LIPM: variants seen among roughly 807,000 people sequenced by gnomAD.
LIPM encodes lipase family member M, also known as lipase member M.
In LIPM, 42 loss-of-function variants were observed where a neutral mutation model predicts 42.4. That is an observed-to-expected ratio of 0.99 (90% CI 0.77 to 1.28). LIPM has a LOEUF of 1.28. Ranked by LOEUF, LIPM falls within the 50% of genes most tolerant of loss-of-function variation. LIPM has a pLI of 0.00. For missense variants in LIPM, 524 were observed against 520.1 expected, an observed-to-expected ratio of 1.01 and a Z score of -0.07; for synonymous variants, 177 against 173.3, an observed-to-expected ratio of 1.02 and a Z score of -0.17.
intron 1 of LIPM, chr10:88,805,997 C>G (rs1049921121): frequency 2.2e-6 from 1 of 456,512 alleles, no homozygotes; most frequent in Non-Finnish European, 4.4e-6. Flanking sequence ...GCCTTTAGAC[C>G]GCAAACAGGT....
At chr10:88,818,940 T>G (rs1176963517) in intron 8 of LIPM, among the ~76,000 whole-genome samples, 2 of 152,224 alleles carry the variant, frequency 1.3e-5, no homozygotes, top group East Asian at 3.9e-4. Flanking sequence ...CAGGCTGGAG[T>G]GCAGTGGCGC....
At chr10:88,817,758 T>C in intron 7 of LIPM, 67 bp from the exon 8 acceptor site, 1 of 1,115,838 alleles carries the variant, frequency 9.0e-7, no homozygotes, top group Non-Finnish European at 1.3e-6. Context: ...GTAGCACATT[T>C]CCACCACCCC....
intron 6 of LIPM, among the ~76,000 whole-genome samples, chr10:88,816,450 G>A (rs59528785): frequency 9.2e-5 from 14 of 152,186 alleles, no homozygotes; most frequent in African/African-American, 3.1e-4. Context: ...TTGCAGATTA[G>A]TATACTAAGA....
chr10:88,815,270 C>A, intron 5 of LIPM, 46 bp downstream of exon 5: 1 of 1,547,402 alleles, frequency 6.5e-7, no homozygotes, highest in Non-Finnish European at 8.7e-7. Flanking sequence ...GAAAAATCTT[C>A]CAGCCCAATT....
chr10:88,815,294 A>G, intron 5 of LIPM, 63 bp from the exon 6 acceptor site: 2 of 1,547,036 alleles, frequency 1.3e-6, no homozygotes, highest in East Asian at 2.4e-5. Flanking sequence ...TAAAACATAA[A>G]CTTTTAAATT....
chr10:88,805,048 A>G lies in LIPM; in HGVS notation c.147+2005A>G, dbSNP rs1473235174. Among the ~76,000 whole-genome samples, 16 of 152,116 alleles carry G rather than the reference A, an allele frequency of 1.1e-4. No individual in the cohort carries two copies. In the South Asian group the frequency reaches 2.3e-3, roughly 22 times the overall value. On this transcript the variant is annotated intron_variant, in intron 1 of 8. Coordinates refer to ENST00000404743, the MANE Select transcript of LIPM (RefSeq NM_001128215.1). ...TATTCATGCATATGGATTATGGTCT[A>G]TCTTATACTTTGATGAATAACTGGC...
chr10:88,820,233 C>T lies in LIPM; in HGVS notation c.1004C>T (p.Pro335Leu), dbSNP rs1458574194. ...ETKNLEKCNQ[P>L]TPVRYRVRDM... ...TTAAGAACTATTCCTTTTCTCTAGCCAACTCCTGTAAGGTACAGAGTCAGA... is the reference window on the plus strand; with the variant it reads ...TTAAGAACTATTCCTTTTCTCTAGCTAACTCCTGTAAGGTACAGAGTCAGA... Residue 335 changes from proline (P) to leucine (L), a missense_variant and splice_region_variant, in exon 9 of 9, where the codon CCA becomes CTA. Pro to Leu is a moderately conservative substitution (Grantham distance 98). Coordinates refer to ENST00000404743, the MANE Select transcript of LIPM (RefSeq NM_001128215.1). 1.3e-6 allele frequency: 2 copies of T among 1,547,996 alleles called. No individual in the cohort carries two copies. Among genetic ancestry groups the T allele is most frequent in the Non-Finnish European group, 1.7e-6 (2 of 1,145,636 alleles).
At chr10:88,816,091 T>A (rs761523053) in intron 6 of LIPM, among the ~76,000 whole-genome samples, 1 of 152,154 alleles carries the variant, frequency 6.6e-6, no homozygotes, top group Non-Finnish European at 1.5e-5. Context: ...CTGCAGGGAT[T>A]TTTGAAGATA....
At chr10:88,804,635 T>C (rs1447529627) in intron 1 of LIPM, among the ~76,000 whole-genome samples, 1 of 151,874 alleles carries the variant, frequency 6.6e-6, no homozygotes, top group African/African-American at 2.4e-5. Context: ...CCCCGGCTGC[T>C]CATTAGCATA....
rs964438506 is a variant in LIPM, at chr10:88,814,612, G to T, written c.547G>T (p.Val183Phe). The stretch of plus-strand genomic sequence containing the variant: ...AACGGGCCAGGAAAAGATCTATTAT[G>T]TCGGCTATTCACAGGGCACCACCAT... The part of the protein sequence containing the change: ...QKTGQEKIYY[V>F]GYSQGTTMGF... The change falls in exon 4 of 9, where the codon GTC becomes TTC. Residue 183 changes from valine to phenylalanine, a missense_variant. Physicochemically the swap from Val to Phe is conservative, Grantham distance 50. Coordinates refer to ENST00000404743, the MANE Select transcript of LIPM (RefSeq NM_001128215.1). 1.9e-6 allele frequency: 3 copies of T among 1,551,814 alleles called. No homozygotes were observed. Among genetic ancestry groups the T allele is most frequent in the African/African-American group, 2.7e-5 (2 of 73,010 alleles).
At chr10:88,816,706 C>A (rs1843721898) in intron 6 of LIPM, 110 bp from the exon 7 acceptor site, 1 of 697,764 alleles carries the variant, frequency 1.4e-6, no homozygotes. Context: ...TTGCTGATAA[C>A]TTAATAATGT....
At chr10:88,810,226 G>A (rs1589313946) in intron 2 of LIPM, among the ~76,000 whole-genome samples, 2 of 152,170 alleles carry the variant, frequency 1.3e-5, no homozygotes, top group East Asian at 3.8e-4. Context: ...ATAAATAAAT[G>A]AATAGCCTGG....
At chr10:88,808,479 T>C (rs1843615569) in intron 2 of LIPM, 64 bp downstream of exon 2, 22 of 972,168 alleles carry the variant, frequency 2.3e-5, no homozygotes, top group Non-Finnish European at 3.4e-5. Context: ...TTCCTTGTGA[T>C]TTGAATGTAG....
chr10:88,804,810 T>A (rs1192878168), intron 1 of LIPM, among the ~76,000 whole-genome samples: 6 of 152,210 alleles, frequency 3.9e-5, no homozygotes, highest in Admixed American at 3.9e-4. Context: ...TAAGTAGGCA[T>A]AAATACAGCT....
chr10:88,814,836 G>C (rs1015392023), intron 4 of LIPM, among the ~76,000 whole-genome samples, 197 bp downstream of exon 4: 2 of 152,094 alleles, frequency 1.3e-5, no homozygotes, highest in African/African-American at 2.4e-5. Flanking sequence ...TATGTGTCTA[G>C]ATATAGCATA....
chr10:88,815,140 T>G lies in LIPM; in HGVS notation c.627T>G (p.Tyr209Ter). ...MPELAQKIKM[Y>*]FALAPIATVK... The stretch of plus-strand genomic sequence containing the variant: ...AGCTGGCTCAGAAAATCAAAATGTA[T>G]TTTGCTTTAGCACCCATAGCCACTG... Residue 209 changes from tyrosine to a stop codon, truncating the protein, a stop_gained, in exon 5 of 9, where the codon TAT becomes TAG. Coordinates refer to ENST00000404743, the MANE Select transcript of LIPM (RefSeq NM_001128215.1). LOFTEE classifies it high-confidence loss of function. The G allele has an allele frequency of 6.4e-7, 1 of 1,551,300 alleles. No individual in the cohort carries two copies. Among genetic ancestry groups the G allele is most frequent in the Non-Finnish European group, 8.7e-7 (1 of 1,146,870 alleles).
intron 1 of LIPM, among the ~76,000 whole-genome samples, chr10:88,805,489 A>G (rs1173470934): frequency 6.6e-6 from 1 of 152,266 alleles, no homozygotes; most frequent in Non-Finnish European, 1.5e-5. Context: ...ATATATGCTC[A>G]TTATAGAAAA....
Position 88,815,076 on chromosome 10 carries a change from C to T in LIPM, c.575-12C>T. ...ATTTCGTATTCATGTTGACATATTT[C>T]TTCTTTTGCAGGCTTTATTGCATTT... On this transcript the variant is annotated splice_polypyrimidine_tract_variant and intron_variant, in intron 4 of 8. Coordinates refer to ENST00000404743, the MANE Select transcript of LIPM (RefSeq NM_001128215.1). The T allele has an allele frequency of 6.6e-7, 1 of 1,523,794 alleles. No individual in the cohort carries two copies. Among genetic ancestry groups the T allele is most frequent in the Non-Finnish European group, 8.8e-7 (1 of 1,138,884 alleles). 94.4% of individuals were successfully genotyped at this position (1,523,794 alleles called of 1,614,324 possible).
chr10:88,808,239 A>G, intron 1 of LIPM, 59 bp from the exon 2 acceptor site: 4 of 926,332 alleles, frequency 4.3e-6, no homozygotes, highest in Middle Eastern at 2.1e-4. Flanking sequence ...TTACTTTTGG[A>G]TCATTGAGAA....
Sources: allele counts gnomAD v4.1 joint callset (sites outside exome capture counted in the v4.1 genomes callset), GRCh38; gene constraint gnomAD v4.1.1; transcripts MANE v1.5; gene names NCBI Gene and HGNC (gene_info 2026-07-23, HGNC 2026-07-21).